The following GABRB1 variants were observed in gnomAD, a reference collection of about 807,000 sequenced individuals.
GABRB1 encodes gamma-aminobutyric acid receptor subunit beta-1.
In GABRB1, 17 loss-of-function variants were observed where a neutral mutation model predicts 51.6. The observed-to-expected ratio is 0.33, with a 90% CI of 0.23 to 0.49. The LOEUF (loss-of-function observed/expected upper bound fraction) is 0.49. Ranked by LOEUF, GABRB1 falls within the 20% of genes least tolerant of loss-of-function variation. The pLI is 0.99. For synonymous variants in GABRB1, 247 were observed against 218.9 expected, an observed-to-expected ratio of 1.13 and a Z score of -1.14; for missense variants, 410 against 600.6, an observed-to-expected ratio of 0.68 and a Z score of 3.32.
intron 5 of GABRB1, among the ~76,000 whole-genome samples, chr4:47,355,133 C>T (rs4425355): frequency 0.41 from 62,114 of 151,024 alleles, 13,309 homozygotes; most frequent in Middle Eastern, 0.47. Flanking sequence ...CTACAGGGAC[C>T]ACACGCCCAG....
At chr4:47,257,725 C>A (rs1722271268) in intron 4 of GABRB1, among the ~76,000 whole-genome samples, 1 of 151,832 alleles carries the variant, frequency 6.6e-6, no homozygotes, top group East Asian at 1.9e-4. Context: ...AAAATCCATT[C>A]TTTGGCCTCT....
At chr4:47,069,318 C>T (rs1727214325) in intron 3 of GABRB1, among the ~76,000 whole-genome samples, 1 of 152,162 alleles carries the variant, frequency 6.6e-6, no homozygotes, top group Non-Finnish European at 1.5e-5. Flanking sequence ...CTAGTTGAGA[C>T]TTTTATTCCT....
intron 8 of GABRB1, among the ~76,000 whole-genome samples, 158 bp from the exon 9 acceptor site, chr4:47,425,516 A>AGATAGATAGATAGATAGATAGATC (rs557382638): frequency 6.7e-6 from 1 of 149,436 alleles, no homozygotes; most frequent in Non-Finnish European, 1.5e-5. Flanking sequence ...ATAGATAGAT[A>AGATAGATAGATAGATAGATAGATC]GATCGATCGA....
At chr4:47,019,623 CTCTCTTTCTTTCTT>C (rs1236662045) in intron 1 of GABRB1, among the ~76,000 whole-genome samples, 2 of 96,396 alleles carry the variant, frequency 2.1e-5, no homozygotes, top group African/African-American at 8.6e-5. Flanking sequence ...CTTTCTTTCT[CTCTCTTTCTTTCTT>C]TCTTTCTTTC....
At chr4:47,341,175 T>C (rs1194533879) in intron 5 of GABRB1, among the ~76,000 whole-genome samples, 1 of 152,128 alleles carries the variant, frequency 6.6e-6, no homozygotes, top group Non-Finnish European at 1.5e-5. Context: ...AGCTGTTGAG[T>C]CATTCACGGA....
intron 3 of GABRB1, among the ~76,000 whole-genome samples, chr4:47,152,414 C>T (rs1717499243): frequency 6.6e-6 from 1 of 151,924 alleles, no homozygotes. Flanking sequence ...AATTTTAAAA[C>T]AATAGGGTAA....
intron 5 of GABRB1, among the ~76,000 whole-genome samples, chr4:47,356,821 A>G (rs1210266659): frequency 6.6e-6 from 1 of 152,190 alleles, no homozygotes; most frequent in Non-Finnish European, 1.5e-5. Context: ...ATAAAATCAG[A>G]TTTTAAAAAT....
intron 4 of GABRB1, among the ~76,000 whole-genome samples, chr4:47,198,957 C>A (rs565904364): frequency 2.0e-5 from 3 of 152,096 alleles, no homozygotes; most frequent in Admixed American, 6.6e-5. Context: ...TGAGAATTCA[C>A]GCACTATCAT....
At chr4:47,214,973 T>C (rs1032241266) in intron 4 of GABRB1, among the ~76,000 whole-genome samples, 1 of 152,142 alleles carries the variant, frequency 6.6e-6, no homozygotes, top group Non-Finnish European at 1.5e-5. Context: ...TCCCTGATGG[T>C]TCAACTTATA....
At chr4:47,118,443 T>A (rs1715602059) in intron 3 of GABRB1, among the ~76,000 whole-genome samples, 1 of 152,164 alleles carries the variant, frequency 6.6e-6, no homozygotes, top group East Asian at 1.9e-4. Context: ...AAATATTTAA[T>A]GTTATTTTTA....
chr4:47,353,388 A>G (rs1162069458), intron 5 of GABRB1, among the ~76,000 whole-genome samples: 1 of 152,236 alleles, frequency 6.6e-6, no homozygotes, highest in South Asian at 2.1e-4. Context: ...TTTCCCTTAC[A>G]AATAAGTTCA....
Position 46,996,895 on chromosome 4 carries a change from C to A in GABRB1, c.-20+2969C>A, listed in dbSNP as rs187598957. Among the ~76,000 whole-genome samples the A allele has an allele frequency of 4.3e-4, 65 of 152,058 alleles. 1 individual carries two copies. The highest frequency in any genetic ancestry group is 1.4e-3 in the African/African-American group (60 of 41,508). On this transcript the variant is annotated intron_variant, in intron 1 of 3. Coordinates refer to the GABRB1 transcript ENST00000513567. ...TAATTCTTTCTGGTAAAAATTGAAC[C>A]AATTGTAACCATTTGAGGAGGGTAC...
At chr4:47,274,540 A>G (rs1227124474) in intron 4 of GABRB1, among the ~76,000 whole-genome samples, 1 of 152,032 alleles carries the variant, frequency 6.6e-6, no homozygotes, top group East Asian at 1.9e-4. Flanking sequence ...CAGATATTCC[A>G]TGTTGCCTAG....
chr4:47,425,528 C>A, intron 8 of GABRB1, 146 bp from the exon 9 acceptor site: 3 of 584,498 alleles, frequency 5.1e-6, no homozygotes, highest in Non-Finnish European at 6.0e-6. Context: ...ATCGATCGAT[C>A]TATCTCCACA....
At chr4:47,301,077 G>T (rs916731315) in intron 4 of GABRB1, among the ~76,000 whole-genome samples, 1 of 151,898 alleles carries the variant, frequency 6.6e-6, no homozygotes, top group African/African-American at 2.4e-5. Context: ...AACAAAAAAA[G>T]AAACAAAAAT....
At chr4:47,218,149 G>A (rs1301572908) in intron 4 of GABRB1, among the ~76,000 whole-genome samples, 1 of 151,728 alleles carries the variant, frequency 6.6e-6, no homozygotes, top group Non-Finnish European at 1.5e-5. Flanking sequence ...CATCCATGTT[G>A]CTGCAAATGA....
intron 4 of GABRB1, among the ~76,000 whole-genome samples, chr4:47,212,899 T>G (rs1560587800): frequency 1.3e-5 from 2 of 152,094 alleles, no homozygotes; most frequent in Non-Finnish European, 2.9e-5. Flanking sequence ...TAAGCATAGG[T>G]GGAAGTAGCA....
chr4:47,344,802 A>T (rs1262546094), intron 5 of GABRB1, among the ~76,000 whole-genome samples: 1 of 152,096 alleles, frequency 6.6e-6, no homozygotes, highest in Non-Finnish European at 1.5e-5. Flanking sequence ...AGCTCACTCT[A>T]ACCCCTGCCT....
intron 5 of GABRB1, among the ~76,000 whole-genome samples, chr4:47,334,361 T>C (rs1270489826): frequency 6.6e-6 from 1 of 152,224 alleles, no homozygotes; most frequent in Non-Finnish European, 1.5e-5. Flanking sequence ...AAAAGGCTTT[T>C]TTCACACTGT....
Sources: gnomAD v4.1 joint callset for allele counts (sites outside exome capture counted in the v4.1 genomes callset) on GRCh38, gnomAD v4.1.1 for gene constraint, MANE v1.5 for transcripts, NCBI Gene and HGNC (gene_info 2026-07-23, HGNC 2026-07-21) for gene names.